The following ADCY10 variants were observed in gnomAD, a reference collection of about 807,000 sequenced individuals.
ADCY10 encodes the protein adenylate cyclase 10.
ADCY10 carries 156 observed loss-of-function variants against 183.3 expected under a neutral mutation model. The observed-to-expected ratio is 0.85, with a 90% CI of 0.75 to 0.97. The LOEUF (loss-of-function observed/expected upper bound fraction) is 0.97, where lower values mean the gene tolerates loss of function less well. Among genes scored for constraint, ADCY10 ranks in the 50% least tolerant of loss-of-function variants. The pLI, the probability that ADCY10 is intolerant of heterozygous loss-of-function variation, is 0.00. For synonymous variants in ADCY10, 645 were observed against 670.0 expected (o/e 0.96, Z 0.58); for missense variants, 1,745 against 1,934.3 (o/e 0.90, Z 1.84).
At chr1:167,858,497 C>CAA (rs57443879) in intron 16 of ADCY10, among the ~76,000 whole-genome samples, 2,125 of 68,852 alleles carry the variant, frequency 0.031, 58 homozygotes, top group Non-Finnish European at 0.04. Flanking sequence ...GACTCTGTCT[C>CAA]AAAAAAAAAA....
intron 25 of ADCY10, 89 bp from the exon 26 acceptor site, chr1:167,829,512 T>C: frequency 1.3e-6 from 2 of 1,500,698 alleles, no homozygotes; most frequent in Non-Finnish European, 1.8e-6. Flanking sequence ...GTCCTCACTA[T>C]GGGCCTGGGA....
intron 25 of ADCY10, among the ~76,000 whole-genome samples, chr1:167,829,864 T>C (rs1663583935): frequency 6.6e-6 from 1 of 152,174 alleles, no homozygotes; most frequent in Admixed American, 6.5e-5. Flanking sequence ...GGATTCAAAC[T>C]CCATCTACCT....
At chr1:167,894,371 A>G (rs1668812622) in intron 7 of ADCY10, among the ~76,000 whole-genome samples, 1 of 152,134 alleles carries the variant, frequency 6.6e-6, no homozygotes, top group South Asian at 2.1e-4. Context: ...CAGGCTTGAT[A>G]CCGCTTCACT....
At chr1:167,894,007 G>C in intron 7 of ADCY10, 66 bp from the exon 8 acceptor site, 1 of 1,087,898 alleles carries the variant, frequency 9.2e-7, no homozygotes, top group Non-Finnish European at 1.4e-6. Context: ...CTAGTGAGAG[G>C]AGGCTCCCAG....
intron 14 of ADCY10, among the ~76,000 whole-genome samples, chr1:167,869,509 T>C (rs1453060748): frequency 6.6e-6 from 1 of 152,180 alleles, no homozygotes; most frequent in Non-Finnish European, 1.5e-5. Flanking sequence ...TAAAGGCAGG[T>C]AGCCCGGCGC....
chr1:167,884,982 C>T (rs916370177), intron 8 of ADCY10, among the ~76,000 whole-genome samples: 6 of 152,156 alleles, frequency 3.9e-5, no homozygotes, highest in Non-Finnish European at 8.8e-5. Flanking sequence ...AGGCATGAGC[C>T]ACCATGCCCA....
chr1:167,894,619 ATG>A (rs138742358), intron 7 of ADCY10, among the ~76,000 whole-genome samples: 183 of 151,304 alleles, frequency 1.2e-3, no homozygotes, highest in Non-Finnish European at 2.2e-3. Flanking sequence ...GTGAAAAAAA[ATG>A]TGTGTGTGTG....
chr1:167,822,863 A>G, intron 29 of ADCY10, 145 bp downstream of exon 29: 3 of 745,720 alleles, frequency 4.0e-6, no homozygotes, highest in Non-Finnish European at 7.2e-6. Context: ...TTCAGCTCAC[A>G]CAACCAGCCT....
At chr1:167,898,847 T>C (rs1395528789) in intron 6 of ADCY10, among the ~76,000 whole-genome samples, 1 of 152,148 alleles carries the variant, frequency 6.6e-6, no homozygotes. Flanking sequence ...CACACCTTTC[T>C]TCCACTTTCA....
At position 167,883,551 on chromosome 1, in the gene ADCY10, T is replaced by G. The variant is rs749900418; in HGVS notation, c.906A>C (p.Glu302Asp). Residue 302 changes from glutamate to aspartate, a missense_variant, in exon 9 of 33, where the codon GAA becomes GAC. By Grantham distance (45) the Glu-to-Asp change is conservative. Transcript: ENST00000367851. ...VTIVFVNLMF[E>D]DQDKAEEIGP... ...CTATCTCTTCTGCTTTGTCTTGGTC[T>G]TCAAACATCAGGTTCACAAACACAA... 28 of 1,614,140 alleles carry G rather than the reference T, an allele frequency of 1.7e-5. No individual in the cohort carries two copies. Among genetic ancestry groups the G allele is most frequent in the South Asian group, 2.2e-5 (2 of 91,090 alleles).
rs757390973 is a variant in ADCY10 at position 167,859,839 on chromosome 1, A to G, written c.1864T>C (p.Leu622=). ...AAGATCTTCATAAACAATATTTCCA[A>G]TTGTTTTTGCTTTTTCAAGGTGCTC... ...RMSTLKKQKQ[L]EILFMKILKL... is the part of the protein sequence containing the mutation. Residue 622 remains leucine (L), a synonymous_variant, in exon 16 of 33, where the codon TTG becomes CTG. Transcript: ENST00000367851. 1.9e-6 allele frequency: 3 copies of G among 1,613,722 alleles called. No homozygotes were observed. The highest frequency in any genetic ancestry group is 2.2e-5 in the East Asian group (1 of 44,868).
At chr1:167,891,397 C>G (rs1668577621) in intron 8 of ADCY10, among the ~76,000 whole-genome samples, 1 of 151,850 alleles carries the variant, frequency 6.6e-6, no homozygotes, top group African/African-American at 2.4e-5. Context: ...TGGCTCACAT[C>G]TGTAATCCCA....
intron 17 of ADCY10, among the ~76,000 whole-genome samples, chr1:167,855,214 G>C (rs1045207589): frequency 2.0e-5 from 3 of 152,198 alleles, no homozygotes; most frequent in Non-Finnish European, 4.4e-5. Context: ...CAGCTACTCG[G>C]GAGGCTGAGG....
chr1:167,911,969 A>G (rs1670174052), intron 1 of ADCY10, among the ~76,000 whole-genome samples: 1 of 152,244 alleles, frequency 6.6e-6, no homozygotes. Context: ...ATAGGTTTAA[A>G]AGGCAGGGAG....
At chr1:167,896,013 G>A (rs1668948574) in intron 7 of ADCY10, among the ~76,000 whole-genome samples, 2 of 152,198 alleles carry the variant, frequency 1.3e-5, no homozygotes. Context: ...TCCAAGAAAA[G>A]AGCATAAGCT....
chr1:167,858,331 C>G (rs12038407), intron 16 of ADCY10, among the ~76,000 whole-genome samples: 1 of 151,692 alleles, frequency 6.6e-6, no homozygotes, highest in South Asian at 2.1e-4. Flanking sequence ...AACCCCATTT[C>G]TACTAAAAAT....
chr1:167,845,497 C>T, intron 21 of ADCY10, 66 bp downstream of exon 21: 1 of 1,544,740 alleles, frequency 6.5e-7, no homozygotes, highest in Non-Finnish European at 8.9e-7. Flanking sequence ...ACACCCACTC[C>T]TTCTAGATCT....
At chr1:167,822,369 C>T (rs778684465) in intron 29 of ADCY10, among the ~76,000 whole-genome samples, 2 of 152,100 alleles carry the variant, frequency 1.3e-5, no homozygotes, top group Admixed American at 1.3e-4. Flanking sequence ...TCCACAGTAC[C>T]GACCAGGCAG....
intron 13 of ADCY10, among the ~76,000 whole-genome samples, chr1:167,872,758 G>A (rs1667192259): frequency 6.7e-6 from 1 of 148,852 alleles, no homozygotes; most frequent in South Asian, 2.2e-4. Context: ...GTGCAAAAGG[G>A]CAACTAGATC....
Sources: gnomAD v4.1 joint callset for allele counts (sites outside exome capture counted in the v4.1 genomes callset) on GRCh38, gnomAD v4.1.1 for gene constraint, MANE v1.5 for transcripts, NCBI Gene and HGNC (gene_info 2026-07-23, HGNC 2026-07-21) for gene names.